The following JAG1 variants were observed in gnomAD, a reference collection of about 807,000 sequenced individuals.
JAG1 encodes the protein jagged canonical Notch ligand 1, also known as protein jagged-1.
In JAG1, 23 loss-of-function variants were observed where a neutral mutation model predicts 148.7. The ratio of observed to expected loss-of-function variants is 0.15; its 90% CI spans 0.11 to 0.22. The LOEUF is 0.22. JAG1 is among the 10% of genes least tolerant of loss of function. The pLI is 1.00. For synonymous variants in JAG1, 572 were observed against 598.3 expected, an observed-to-expected ratio of 0.96 and a Z score of 0.64; for missense variants, 1,054 against 1,611.2, an observed-to-expected ratio of 0.65 and a Z score of 5.92.
intron 4 of JAG1, 51 bp from the exon 5 acceptor site, chr20:10,656,509 G>A (rs371126064): frequency 1.4e-5 from 21 of 1,504,832 alleles, no homozygotes; most frequent in African/African-American, 4.1e-5. Flanking sequence ...TCCTTGCATC[G>A]CCCCGGTCAT....
intron 11 of JAG1, 105 bp from the exon 12 acceptor site, chr20:10,648,827 A>G: frequency 8.6e-7 from 1 of 1,162,670 alleles, no homozygotes; most frequent in Non-Finnish European, 1.3e-6. Context: ...TAGCTGGTTC[A>G]CTGAAATAGC....
chr20:10,648,291 G>A (rs1292124861), intron 12 of JAG1, among the ~76,000 whole-genome samples, 181 bp from the exon 13 acceptor site: 3 of 152,134 alleles, frequency 2.0e-5, no homozygotes, highest in Admixed American at 6.5e-5. Flanking sequence ...TTGAAACAAC[G>A]GGGCAGAGTG....
At chr20:10,668,867 C>T (rs1379061520) in intron 2 of JAG1, among the ~76,000 whole-genome samples, 3 of 152,060 alleles carry the variant, frequency 2.0e-5, no homozygotes, top group Non-Finnish European at 4.4e-5. Context: ...AGAGCCTCCA[C>T]GCCAAAGTTT....
At chr20:10,648,812 C>A in intron 11 of JAG1, 90 bp from the exon 12 acceptor site, 1 of 1,312,114 alleles carries the variant, frequency 7.6e-7, no homozygotes, top group Non-Finnish European at 1.1e-6. Context: ...ATGACTGTTG[C>A]GGTTTAGCTG....
chr20:10,648,489 C>T (rs576266674), intron 12 of JAG1, 60 bp downstream of exon 12: 27 of 1,370,120 alleles, frequency 2.0e-5, no homozygotes, highest in African/African-American at 1.0e-4. Context: ...TAAAGGGAAG[C>T]GGAGGAGGCA....
chr20:10,659,935 A>G (rs1204949117), intron 3 of JAG1, among the ~76,000 whole-genome samples: 1 of 152,156 alleles, frequency 6.6e-6, no homozygotes, highest in Non-Finnish European at 1.5e-5. Flanking sequence ...GGGATCTGAA[A>G]AGGCAGCAAG....
rs764944644 is a variant in JAG1, at chr20:10,641,534, A to G, written c.2842T>C (p.Cys948Arg). Residue 948 changes from cysteine to arginine, a missense_variant, in exon 23 of 26, where the codon TGC becomes CGC. Cys to Arg is a radical substitution (Grantham distance 180). Coordinates refer to ENST00000254958, the MANE Select transcript of JAG1 (RefSeq NM_000214.3). Reference sequence around the variant, plus strand: ...TCCTGGTAATAGGAGTCAGAGGTGCACTTTGTCTTCACCGGCTGGAGACTG... The same window carrying G: ...TCCTGGTAATAGGAGTCAGAGGTGCGCTTTGTCTTCACCGGCTGGAGACTG... ...SSSLQPVKTK[C>R]TSDSYYQDNC... 6.2e-7 allele frequency: 1 copy of G among 1,614,220 alleles called. No homozygotes were observed. The highest frequency in any genetic ancestry group is 8.5e-7 in the Non-Finnish European group (1 of 1,180,038).
chr20:10,641,020 A>G, intron 24 of JAG1, 87 bp from the exon 25 acceptor site: 1 of 1,611,206 alleles, frequency 6.2e-7, no homozygotes, highest in African/African-American at 1.3e-5. Context: ...GTGTCTGCAA[A>G]GCTTTTTGTC....
chr20:10,659,559 CTTTTTT>C (rs35826283), intron 3 of JAG1, among the ~76,000 whole-genome samples: 51 of 105,154 alleles, frequency 4.9e-4, no homozygotes, highest in South Asian at 1.4e-3. Flanking sequence ...GATTAAGTTA[CTTTTTT>C]TTTTTTTTTT....
At chr20:10,667,429 A>G (rs769344558) in intron 2 of JAG1, among the ~76,000 whole-genome samples, 1 of 151,274 alleles carries the variant, frequency 6.6e-6, no homozygotes, top group Non-Finnish European at 1.5e-5. Flanking sequence ...AATTCGGCCA[A>G]CTCTATTGTC....
intron 2 of JAG1, among the ~76,000 whole-genome samples, chr20:10,669,803 A>C (rs982970008): frequency 1.1e-4 from 17 of 152,158 alleles, no homozygotes; most frequent in African/African-American, 3.9e-4. Context: ...ATAAGCAGGC[A>C]CTACTGGGAT....
Position 10,647,072 on chromosome 20 carries a change from G to C in JAG1, c.1752C>G (p.Ser584=), listed in dbSNP as rs1463293710. ...VIDSCTVAMA[S]NDTPEGVRYI... is the part of the protein sequence containing the mutation. ...ACCGCACCCCTTCAGGTGTGTCGTT[G>C]GAAGCCATGGCCACTGTGCAGCTGT... Residue 584 remains serine (S), a synonymous_variant, in exon 14 of 26, where the codon TCC becomes TCG. Coordinates refer to ENST00000254958, the MANE Select transcript of JAG1 (RefSeq NM_000214.3). 2 of 1,614,098 alleles carry C rather than the reference G, an allele frequency of 1.2e-6. No homozygotes were observed. Among genetic ancestry groups the C allele is most frequent in the African/African-American group, 1.3e-5 (1 of 74,928 alleles).
Position 10,647,081 on chromosome 20 carries a change from G to A in JAG1, c.1743C>T (p.Ala581=). 1.2e-6 allele frequency: 2 copies of A among 1,614,234 alleles called. No individual in the cohort carries two copies. The highest frequency in any genetic ancestry group is 1.7e-6 in the Non-Finnish European group (2 of 1,180,038). The change falls in exon 14 of 26, where the codon GCC becomes GCT. Residue 581 remains alanine, a synonymous_variant. Transcript: ENST00000254958. ...CTTCAGGTGTGTCGTTGGAAGCCAT[G>A]GCCACTGTGCAGCTGTCAATCACTA... ...PCEVIDSCTV[A]MASNDTPEGV...
chr20:10,645,331 G>C lies in JAG1; in HGVS notation c.2113+25C>G. The C allele has an allele frequency of 6.2e-7, 1 of 1,604,844 alleles. No homozygotes were observed. The highest frequency in any genetic ancestry group is 8.5e-7 in the Non-Finnish European group (1 of 1,171,574). On this transcript the variant is annotated intron_variant, in intron 16 of 25. Coordinates refer to ENST00000254958, the MANE Select transcript of JAG1 (RefSeq NM_000214.3). This position sits in a 1 kb window ranked among gnomAD's most constrained non-coding sequence, Gnocchi z 6.1. The stretch of plus-strand genomic sequence containing the variant: ...GACAGAGGGAAGGGTCCCAGAGATA[G>C]CATCCAAGGCCAACTACCACTTACG...
At position 10,637,991 on chromosome 20, in the gene JAG1, A is replaced by G; in HGVS notation, c.*1507T>C. 1 of 152,812 alleles carries G rather than the reference A, an allele frequency of 6.5e-6. No individual in the cohort carries two copies. The highest frequency in any genetic ancestry group is 1.9e-4 in the East Asian group (1 of 5,190). The allele number at this position is 152,812 out of a possible 1,614,324, so 9.5% of individuals were successfully genotyped here. On this transcript the variant is annotated 3_prime_UTR_variant, in exon 26 of 26. Coordinates refer to ENST00000254958, the MANE Select transcript of JAG1 (RefSeq NM_000214.3). ...CACTGTTCCATGTTTTCATACAAAAAAATTTAATAAATATTACTTTTCAAA... is the reference window on the plus strand; with the variant it reads ...CACTGTTCCATGTTTTCATACAAAAGAATTTAATAAATATTACTTTTCAAA...
intron 3 of JAG1, among the ~76,000 whole-genome samples, chr20:10,660,497 A>G (rs2067408959): frequency 1.3e-5 from 2 of 152,346 alleles, no homozygotes; most frequent in Admixed American, 1.3e-4. Flanking sequence ...CATGGCTTAA[A>G]GGCATCCAGC....
chr20:10,652,346 G>C (rs2067353036), intron 6 of JAG1, 96 bp from the exon 7 acceptor site: 1 of 1,598,928 alleles, frequency 6.3e-7, no homozygotes, highest in Non-Finnish European at 8.5e-7. Flanking sequence ...AGAAAAACCA[G>C]AAAACCCACA....
chr20:10,673,162 G>A lies in JAG1; in HGVS notation c.82-156C>T, dbSNP rs984967527. 4.2e-5 allele frequency: 26 copies of A among 621,928 alleles called. No individual in the cohort carries two copies. The highest frequency in any genetic ancestry group is 3.3e-4 in the East Asian group (11 of 33,614). 38.5% of individuals were successfully genotyped at this position (621,928 alleles called of 1,614,324 possible). On this transcript the variant is annotated intron_variant, in intron 1 of 25. Coordinates refer to ENST00000254958, the MANE Select transcript of JAG1 (RefSeq NM_000214.3). The surrounding 1 kb of genome is among the most constrained non-coding windows in gnomAD (Gnocchi z 4.7). ...ACGTTCAAGGACTCAACATGATTCC[G>A]GGGCAAAAAAAAAAAAAAATGCACG...
intron 14 of JAG1, 89 bp from the exon 15 acceptor site, chr20:10,646,173 G>C: frequency 1.1e-6 from 1 of 887,558 alleles, no homozygotes; most frequent in South Asian, 1.3e-5. Context: ...GCTCCCTCCT[G>C]ACACAATGCA....
Sources: allele counts gnomAD v4.1 joint callset (sites outside exome capture counted in the v4.1 genomes callset), GRCh38; gene constraint gnomAD v4.1.1; non-coding constraint Gnocchi (gnomAD v3.1); transcripts MANE v1.5; gene names NCBI Gene and HGNC (gene_info 2026-07-23, HGNC 2026-07-21).